Variants in MECOM observed in about 807,000 individuals in gnomAD.
MECOM encodes the protein MDS1 and EVI1 complex locus, also known as histone-lysine N-methyltransferase MECOM.
Under a neutral mutation model 116.3 loss-of-function variants are expected in MECOM, and 13 were observed. The observed-to-expected ratio is 0.11, with a 90% CI of 0.07 to 0.18. MECOM has a LOEUF of 0.18. MECOM is among the 10% of genes least tolerant of loss of function. MECOM has a pLI of 1.00. For missense variants in MECOM, 1,299 were observed against 1,509.0 expected (o/e 0.86, Z 2.31); for synonymous variants, 528 against 535.2 (o/e 0.99, Z 0.19).
chr3:169,488,274 C>T (rs1253809738), intron 1 of MECOM, among the ~76,000 whole-genome samples: 1 of 150,508 alleles, frequency 6.6e-6, no homozygotes, highest in African/African-American at 2.4e-5. Flanking sequence ...CACCTATAAT[C>T]GTAGCACTTT....
chr3:169,421,492 G>A (rs1739727969), intron 1 of MECOM, among the ~76,000 whole-genome samples: 1 of 151,984 alleles, frequency 6.6e-6, no homozygotes, highest in Non-Finnish European at 1.5e-5. Flanking sequence ...ATTCTTGCCA[G>A]CTTTCTAGTG....
At chr3:169,542,057 T>C (rs1760129970) in intron 1 of MECOM, among the ~76,000 whole-genome samples, 2 of 152,346 alleles carry the variant, frequency 1.3e-5, no homozygotes, top group African/African-American at 4.8e-5. Flanking sequence ...AGCAGTGCTA[T>C]AGATGGCCAC....
At chr3:169,429,671 T>C (rs1741289183) in intron 1 of MECOM, among the ~76,000 whole-genome samples, 3 of 152,134 alleles carry the variant, frequency 2.0e-5, no homozygotes, top group African/African-American at 4.8e-5. Context: ...GTTTAATGGG[T>C]TTAACATGAA....
chr3:169,584,562 C>A (rs1765558356), intron 1 of MECOM, among the ~76,000 whole-genome samples: 1 of 75,372 alleles, frequency 1.3e-5, no homozygotes, highest in Non-Finnish European at 2.4e-5. Flanking sequence ...GAAACTCCAC[C>A]TCAAAAAAAA....
At chr3:169,249,171 T>C (rs912987142) in intron 2 of MECOM, among the ~76,000 whole-genome samples, 5 of 152,202 alleles carry the variant, frequency 3.3e-5, no homozygotes, top group African/African-American at 1.2e-4. Context: ...CTTTGCGTGA[T>C]TGTTGAACGA....
Position 169,276,144 on chromosome 3 carries a change from T to TG in MECOM, c.375+105042dup, listed in dbSNP as rs1215254305. 3.9e-5 allele frequency among the ~76,000 whole-genome samples: 6 copies of TG among 152,146 alleles called. No homozygotes were observed. The East Asian group carries it at 1.2e-3, about 29-fold the overall frequency. Reference sequence around the variant, plus strand: ...TTTATGGTAGGTGGTATTTTGAAAGTGGGGGGTAAAAAGATCAGGTTGGTT... The same window carrying TG: ...TTTATGGTAGGTGGTATTTTGAAAGTGGGGGGGTAAAAAGATCAGGTTGGTT... On this transcript the variant is annotated intron_variant, in intron 2 of 16. Transcript: ENST00000651503.
chr3:169,140,783 T>C (rs1737861257), intron 3 of MECOM, among the ~76,000 whole-genome samples: 1 of 145,768 alleles, frequency 6.9e-6, no homozygotes, highest in East Asian at 2.0e-4. Context: ...TAGAAAGGTA[T>C]GGGGAAAGTG....
At chr3:169,596,205 T>C (rs1442470806) in intron 1 of MECOM, among the ~76,000 whole-genome samples, 2 of 152,282 alleles carry the variant, frequency 1.3e-5, no homozygotes, top group East Asian at 3.9e-4. Flanking sequence ...ATGTGCAAGT[T>C]TCATCTTCAG....
In MECOM at chr3:169,591,419, T is replaced by C. The variant is rs78862974; in HGVS notation, c.37+71917A>G. 4.7e-3 allele frequency among the ~76,000 whole-genome samples: 716 copies of C among 152,270 alleles called. 4 individuals carry two copies. The highest frequency in any genetic ancestry group is 0.016 in the East Asian group (85 of 5,180). On this transcript the variant is annotated intron_variant, in intron 1 of 16. Transcript: ENST00000651503. Reference sequence around the variant, plus strand: ...GCTGTGGACGGAGAAATCCCTGGAATGATTGGAGAGTCGAGAGTCGGATGC... The same window carrying C: ...GCTGTGGACGGAGAAATCCCTGGAACGATTGGAGAGTCGAGAGTCGGATGC...
intron 1 of MECOM, among the ~76,000 whole-genome samples, chr3:169,577,769 T>G (rs1447346076): frequency 6.6e-6 from 1 of 152,196 alleles, no homozygotes; most frequent in Non-Finnish European, 1.5e-5. Flanking sequence ...TTCCTCCCTA[T>G]TTCATTGTAC....
At position 169,100,101 on chromosome 3, in the gene MECOM, C is replaced by CTTTCTTTCTTTT. The variant is rs1196989981; in HGVS notation, c.2849+783_2849+784insAAAAGAAAGAAA. Among the ~76,000 whole-genome samples the CTTTCTTTCTTTT allele has an allele frequency of 4.5e-4, 23 of 50,654 alleles. 1 individual carries two copies. Among genetic ancestry groups the CTTTCTTTCTTTT allele is most frequent in the Non-Finnish European group, 1.1e-4 (3 of 28,166 alleles). The allele number at this position is 50,654 out of a possible 152,430, so 33.2% of individuals were successfully genotyped here. A position where few individuals can be genotyped will look rare whatever the true frequency, so the allele number is the denominator to read the frequency against. On this transcript the variant is annotated intron_variant, in intron 12 of 16. Coordinates refer to ENST00000651503, the MANE Select transcript of MECOM (RefSeq NM_004991.4). ...TTTTTCTTTCTTTCTTTCTTTCTTTCTTTTTTTTTTTTTTTTTGACAGAGT... is the reference window on the plus strand; with the variant it reads ...TTTTTCTTTCTTTCTTTCTTTCTTTCTTTCTTTCTTTTTTTTTTTTTTTTTTTTTGACAGAGT...
At chr3:169,658,155 A>G (rs1775759542) in intron 1 of MECOM, among the ~76,000 whole-genome samples, 1 of 152,204 alleles carries the variant, frequency 6.6e-6, no homozygotes, top group South Asian at 2.1e-4. Flanking sequence ...TCGGGAGGGA[A>G]CTAATGATTT....
chr3:169,519,105 C>A (rs1359467152), intron 1 of MECOM, among the ~76,000 whole-genome samples: 2 of 152,184 alleles, frequency 1.3e-5, no homozygotes, highest in Admixed American at 6.5e-5. Context: ...CTTTCTACAA[C>A]AAATTTTTAA....
intron 1 of MECOM, among the ~76,000 whole-genome samples, chr3:169,533,761 C>T (rs1191564581): frequency 6.6e-6 from 1 of 151,986 alleles, no homozygotes; most frequent in Non-Finnish European, 1.5e-5. Context: ...AGGTGGTCAC[C>T]TCCCTTTCCA....
intron 1 of MECOM, among the ~76,000 whole-genome samples, chr3:169,650,021 A>G (rs1311643068): frequency 6.6e-6 from 1 of 152,218 alleles, no homozygotes; most frequent in Non-Finnish European, 1.5e-5. Context: ...AATTTTTTAT[A>G]TTTAATCAAC....
intron 1 of MECOM, among the ~76,000 whole-genome samples, chr3:169,530,474 C>A (rs1758481893): frequency 6.6e-6 from 1 of 152,114 alleles, no homozygotes; most frequent in Non-Finnish European, 1.5e-5. Flanking sequence ...GCTGGTCAAC[C>A]AGGTCCAAGA....
At chr3:169,441,035 C>A (rs1211132912) in intron 1 of MECOM, among the ~76,000 whole-genome samples, 1 of 152,182 alleles carries the variant, frequency 6.6e-6, no homozygotes, top group Non-Finnish European at 1.5e-5. Flanking sequence ...TCTAGAGGAG[C>A]AGAAACTGCA....
chr3:169,131,304 A>G (rs1267707001), intron 4 of MECOM, 125 bp downstream of exon 4: 2 of 802,138 alleles, frequency 2.5e-6, no homozygotes, highest in African/African-American at 1.7e-5. Flanking sequence ...AAGAGAAGGA[A>G]CTTGTTGAAA....
chr3:169,663,266 G>A, intron 1 of MECOM, 70 bp downstream of exon 1: 1 of 1,542,802 alleles, frequency 6.5e-7, no homozygotes, highest in South Asian at 1.2e-5. Flanking sequence ...CCCTCCCGGA[G>A]CGCTAGAGAC....
Sources: allele counts gnomAD v4.1 joint callset (sites outside exome capture counted in the v4.1 genomes callset), GRCh38; gene constraint gnomAD v4.1.1; transcripts MANE v1.5; gene names NCBI Gene and HGNC (gene_info 2026-07-23, HGNC 2026-07-21).